CDC73: variants seen among roughly 807,000 people sequenced by gnomAD.
The protein encoded by CDC73 is cell division cycle 73.
CDC73 carries 21 observed loss-of-function variants against 83.7 expected under a neutral mutation model. That is an observed-to-expected ratio of 0.25 (90% CI 0.18 to 0.36). The LOEUF is 0.36. CDC73 is among the 10% of genes least tolerant of loss of function. CDC73 has a pLI of 1.00. For synonymous variants in CDC73, 224 were observed against 212.9 expected, an observed-to-expected ratio of 1.05 and a Z score of -0.45; for missense variants, 342 against 653.3, an observed-to-expected ratio of 0.52 and a Z score of 5.19.
intron 3 of CDC73, among the ~76,000 whole-genome samples, chr1:193,132,599 C>T (rs1178004522): frequency 6.6e-6 from 1 of 151,644 alleles, no homozygotes; most frequent in African/African-American, 2.4e-5. Context: ...AGGCATGAGC[C>T]ACTGTGCCCA....
intron 13 of CDC73, among the ~76,000 whole-genome samples, chr1:193,231,666 A>G (rs1316347629): frequency 1.3e-5 from 2 of 152,174 alleles, no homozygotes; most frequent in African/African-American, 4.8e-5. Context: ...TTTTAACCAA[A>G]TGTAAAATGG....
At chr1:193,222,265 G>A (rs1677485302) in intron 13 of CDC73, among the ~76,000 whole-genome samples, 1 of 152,166 alleles carries the variant, frequency 6.6e-6, no homozygotes, top group Non-Finnish European at 1.5e-5. Context: ...GTGCGCAGAA[G>A]GAGCTCAGAC....
intron 10 of CDC73, among the ~76,000 whole-genome samples, chr1:193,172,765 A>G (rs998988916): frequency 5.3e-5 from 8 of 152,210 alleles, no homozygotes; most frequent in Non-Finnish European, 4.4e-5. Context: ...GTCCACCTAA[A>G]TAGAAGGCCT....
chr1:193,127,090 G>C (rs1342698808), intron 2 of CDC73, among the ~76,000 whole-genome samples: 1 of 151,884 alleles, frequency 6.6e-6, no homozygotes, highest in Non-Finnish European at 1.5e-5. Flanking sequence ...GCAACATAGG[G>C]AAACTTTGTT....
chr1:193,122,648 A>G (rs1675476966), intron 1 of CDC73: 1 of 322,898 alleles, frequency 3.1e-6, no homozygotes, highest in Non-Finnish European at 6.0e-6. Flanking sequence ...CGCAAGGGAT[A>G]CCTGAACATA....
intron 3 of CDC73, among the ~76,000 whole-genome samples, chr1:193,134,531 C>T (rs1333508039): frequency 2.0e-5 from 3 of 152,144 alleles, no homozygotes; most frequent in South Asian, 2.1e-4. Flanking sequence ...ATTAGCCGGG[C>T]GTGGTGGCAT....
chr1:193,187,029 G>T (rs1300073341), intron 10 of CDC73, among the ~76,000 whole-genome samples: 3 of 125,394 alleles, frequency 2.4e-5, no homozygotes, highest in Middle Eastern at 6.5e-3. Flanking sequence ...CTTTCAAATT[G>T]CTCTTGATTT....
At chr1:193,225,125 C>T (rs553796985) in intron 13 of CDC73, among the ~76,000 whole-genome samples, 21 of 151,784 alleles carry the variant, frequency 1.4e-4, no homozygotes, top group African/African-American at 4.1e-4. Flanking sequence ...CAAATGAGAT[C>T]ATTCGATGTT....
intron 3 of CDC73, 137 bp downstream of exon 3, chr1:193,130,380 C>T: frequency 1.4e-6 from 1 of 706,284 alleles, no homozygotes; most frequent in South Asian, 1.5e-5. Context: ...CATGTGCTCA[C>T]CTTTTTCTTA....
intron 10 of CDC73, among the ~76,000 whole-genome samples, chr1:193,172,348 T>C (rs959096928): frequency 6.6e-6 from 1 of 151,964 alleles, no homozygotes; most frequent in Non-Finnish European, 1.5e-5. Flanking sequence ...CTTTTTTTTG[T>C]ATTGATTTGC....
At chr1:193,139,613 A>G (rs1437454713) in intron 6 of CDC73, among the ~76,000 whole-genome samples, 3 of 152,154 alleles carry the variant, frequency 2.0e-5, no homozygotes. Context: ...ATTACATATC[A>G]TGTGATCTTT....
chr1:193,129,589 G>A (rs1026345135), intron 2 of CDC73, among the ~76,000 whole-genome samples: 2 of 151,534 alleles, frequency 1.3e-5, no homozygotes, highest in East Asian at 3.9e-4. Flanking sequence ...TCACTGAAAC[G>A]CCTGTCTCCG....
At chr1:193,181,011 T>C (rs1676705469) in intron 10 of CDC73, 2 of 1,613,678 alleles carry the variant, frequency 1.2e-6, no homozygotes, top group South Asian at 2.2e-5. Context: ...TTCTTGTGAT[T>C]TGAATACCAG....
At chr1:193,222,837 CT>C (rs1318077406) in intron 13 of CDC73, among the ~76,000 whole-genome samples, 1 of 142,248 alleles carries the variant, frequency 7.0e-6, no homozygotes, top group African/African-American at 2.6e-5. Flanking sequence ...ATGAGACATA[CT>C]TTAGACCTTC....
intron 3 of CDC73, among the ~76,000 whole-genome samples, chr1:193,133,230 C>T (rs550881082): frequency 7.2e-5 from 11 of 152,054 alleles, no homozygotes; most frequent in East Asian, 3.9e-4. Flanking sequence ...AGTCACTAAG[C>T]GTATTGCTTT....
intron 15 of CDC73, among the ~76,000 whole-genome samples, chr1:193,249,027 A>G (rs1249931768): frequency 6.6e-6 from 1 of 152,068 alleles, no homozygotes; most frequent in Non-Finnish European, 1.5e-5. Flanking sequence ...TGTAAGTAAA[A>G]TGCTGTCAAA....
At position 193,235,732 on chromosome 1, in the gene CDC73, T is replaced by G. The variant is rs138787314; in HGVS notation, c.1317-524T>G. On this transcript the variant is annotated intron_variant, in intron 14 of 16. Transcript: ENST00000367435. The stretch of plus-strand genomic sequence containing the variant: ...CAAAAATTATAAAAGTCTAAATGGT[T>G]TCTATACTCAGATTACTTCCTAAGT... 3.9e-4 allele frequency among the ~76,000 whole-genome samples: 60 copies of G among 152,306 alleles called. 1 individual carries two copies. In the East Asian group the frequency reaches 8.9e-3, roughly 23 times the overall value.
intron 13 of CDC73, among the ~76,000 whole-genome samples, chr1:193,216,654 C>T (rs1174322656): frequency 6.6e-6 from 1 of 151,310 alleles, no homozygotes; most frequent in Admixed American, 6.6e-5. Flanking sequence ...AAAAAAAAAA[C>T]CTGCTGGCCA....
chr1:193,138,794 A>C (rs1416545612), intron 6 of CDC73, among the ~76,000 whole-genome samples: 1 of 78,336 alleles, frequency 1.3e-5, no homozygotes, highest in Non-Finnish European at 2.5e-5. Context: ...TTTTTTTTGG[A>C]GACGGAGTTT....
Sources: allele counts gnomAD v4.1 joint callset (sites outside exome capture counted in the v4.1 genomes callset), GRCh38; gene constraint gnomAD v4.1.1; transcripts MANE v1.5; gene names NCBI Gene and HGNC (gene_info 2026-07-23, HGNC 2026-07-21).